LOC128462377: variants seen among roughly 807,000 people sequenced by gnomAD.
chr16:89,343,516 A>G, the LOC128462377 span, among the ~76,000 whole-genome samples: 1 of 152,200 alleles, frequency 6.6e-6, no homozygotes. Context: ...CGAGCAAATG[A>G]GACAGAGCTC....
the LOC128462377 span, among the ~76,000 whole-genome samples, chr16:89,390,319 A>T: frequency 6.7e-6 from 1 of 148,538 alleles, no homozygotes. Context: ...TGTGGCGTGG[A>T]GCACAGACAG....
At chr16:89,360,960 G>C in the LOC128462377 span, among the ~76,000 whole-genome samples, 2 of 152,138 alleles carry the variant, frequency 1.3e-5, no homozygotes, top group African/African-American at 2.4e-5. Context: ...CTCTGCATCA[G>C]GTGAGAGGCT....
the LOC128462377 span, among the ~76,000 whole-genome samples, chr16:89,380,999 A>G: frequency 6.6e-6 from 1 of 152,178 alleles, no homozygotes; most frequent in African/African-American, 2.4e-5. Flanking sequence ...GAAGCCCCTG[A>G]GCACACGGTA....
At chr16:89,404,026 T>C in the LOC128462377 span, among the ~76,000 whole-genome samples, 1 of 152,230 alleles carries the variant, frequency 6.6e-6, no homozygotes, top group Non-Finnish European at 1.5e-5. Flanking sequence ...CTCAGAACTA[T>C]GGCAAACTTA....
chr16:89,415,548 G>T, the LOC128462377 span, among the ~76,000 whole-genome samples: 10 of 151,982 alleles, frequency 6.6e-5, no homozygotes, highest in East Asian at 1.9e-3. Context: ...ACAGGTGTGA[G>T]CCACTGCGCC....
chr16:89,329,408 G>C, the LOC128462377 span, among the ~76,000 whole-genome samples: 2 of 152,178 alleles, frequency 1.3e-5, no homozygotes, highest in East Asian at 3.9e-4. Flanking sequence ...GGAAAAAAAA[G>C]GGAGAAAAAA....
At chr16:89,406,953 G>C in the LOC128462377 span, among the ~76,000 whole-genome samples, 2 of 152,110 alleles carry the variant, frequency 1.3e-5, no homozygotes, top group African/African-American at 4.8e-5. Flanking sequence ...CCAGGGGAAG[G>C]GGGAGCAGAT....
At chr16:89,323,392 G>C in the LOC128462377 span, 5 of 1,260,398 alleles carry the variant, frequency 4.0e-6, no homozygotes, top group South Asian at 1.2e-5. Context: ...GGCAAGGGGA[G>C]AGCAAGCAGC....
At chr16:89,345,094 G>A in the LOC128462377 span, among the ~76,000 whole-genome samples, 9 of 152,042 alleles carry the variant, frequency 5.9e-5, no homozygotes, top group Admixed American at 2.0e-4. Flanking sequence ...CTTAAAAACT[G>A]CTTCACGGCC....
At chr16:89,347,331 C>T in the LOC128462377 span, among the ~76,000 whole-genome samples, 3 of 152,116 alleles carry the variant, frequency 2.0e-5, no homozygotes, top group African/African-American at 7.2e-5. Context: ...TCCGTTCGGC[C>T]GGGCACACTG....
the LOC128462377 span, among the ~76,000 whole-genome samples, chr16:89,334,663 T>A: frequency 6.6e-6 from 1 of 151,780 alleles, no homozygotes; most frequent in Non-Finnish European, 1.5e-5. Context: ...AGGGGCCACA[T>A]CCACGAGGGC....
the LOC128462377 span, among the ~76,000 whole-genome samples, chr16:89,388,352 G>A: frequency 7.4e-6 from 1 of 135,744 alleles, no homozygotes; most frequent in South Asian, 2.3e-4. Flanking sequence ...GGCTGGTCTT[G>A]AACTCCTGAC....
chr16:89,410,754 G>A, the LOC128462377 span, among the ~76,000 whole-genome samples: 9 of 152,216 alleles, frequency 5.9e-5, no homozygotes, highest in African/African-American at 2.2e-4. Context: ...AAGAACCCTC[G>A]CTTCTCATTT....
chr16:89,369,403 G>A, the LOC128462377 span, among the ~76,000 whole-genome samples: 3 of 152,246 alleles, frequency 2.0e-5, no homozygotes, highest in Non-Finnish European at 2.9e-5. Flanking sequence ...AGGGAGGGCT[G>A]TGCTCTGATG....
the LOC128462377 span, among the ~76,000 whole-genome samples, chr16:89,337,643 T>G: frequency 1.2e-4 from 19 of 152,114 alleles, no homozygotes; most frequent in Admixed American, 9.8e-4. Context: ...GGTTTCACCG[T>G]GTTAGCCAGG....
At chr16:89,363,536 A>C in the LOC128462377 span, among the ~76,000 whole-genome samples, 1 of 152,210 alleles carries the variant, frequency 6.6e-6, no homozygotes, top group Non-Finnish European at 1.5e-5. Flanking sequence ...AGGGGGAAAA[A>C]AAACCTTACA....
At chr16:89,365,026 T>C in the LOC128462377 span, among the ~76,000 whole-genome samples, 3 of 152,248 alleles carry the variant, frequency 2.0e-5, no homozygotes, top group Admixed American at 6.5e-5. Context: ...GAGGATGCTA[T>C]GAATTCTGTT....
At chr16:89,344,687 G>A in the LOC128462377 span, among the ~76,000 whole-genome samples, 15 of 152,256 alleles carry the variant, frequency 9.9e-5, no homozygotes, top group South Asian at 8.3e-4. Flanking sequence ...GGGAGCTGCC[G>A]ACACCTTCAG....
chr16:89,337,742 G>C, the LOC128462377 span, among the ~76,000 whole-genome samples: 37 of 152,274 alleles, frequency 2.4e-4, 1 homozygote, highest in African/African-American at 8.7e-4. Flanking sequence ...GCCCGGCCTG[G>C]TCTAAGCAAT....
Sources: allele counts gnomAD v4.1 joint callset (sites outside exome capture counted in the v4.1 genomes callset), GRCh38; gene constraint gnomAD v4.1.1; transcripts MANE v1.5.